TAFA1: variants seen among roughly 807,000 people sequenced by gnomAD.
The protein encoded by TAFA1 is chemokine-like protein TAFA-1.
Under a neutral mutation model 18.5 loss-of-function variants are expected in TAFA1, and 4 were observed. That is an observed-to-expected ratio of 0.22 (90% confidence interval 0.11 to 0.49). The LOEUF (loss-of-function observed/expected upper bound fraction) is 0.49. Among genes scored for constraint, TAFA1 ranks in the 20% least tolerant of loss-of-function variants. TAFA1 has a pLI of 0.98. For synonymous variants in TAFA1, 56 were observed against 55.2 expected (o/e 1.01, Z -0.06); for missense variants, 147 against 169.0 (o/e 0.87, Z 0.72).
intron 3 of TAFA1, among the ~76,000 whole-genome samples, chr3:68,507,277 C>T (rs1260602859): frequency 6.6e-6 from 1 of 151,674 alleles, no homozygotes; most frequent in Non-Finnish European, 1.5e-5. Context: ...TGCTCAAAAG[C>T]AAATAGAAAA....
intron 3 of TAFA1, among the ~76,000 whole-genome samples, chr3:68,424,326 C>T (rs919620755): frequency 4.0e-5 from 6 of 151,756 alleles, no homozygotes; most frequent in African/African-American, 1.2e-4. Flanking sequence ...AAGAGAGGGT[C>T]AGAGATTAAG....
chr3:68,494,153 G>T (rs542990620), intron 3 of TAFA1, among the ~76,000 whole-genome samples: 2 of 152,108 alleles, frequency 1.3e-5, no homozygotes, highest in Non-Finnish European at 2.9e-5. Context: ...CCAAGCTGGC[G>T]TGCAGTGGCA....
intron 2 of TAFA1, among the ~76,000 whole-genome samples, chr3:68,234,945 A>T (rs1232147426): frequency 6.6e-6 from 1 of 152,198 alleles, no homozygotes; most frequent in East Asian, 1.9e-4. Context: ...TCCTTGAATG[A>T]ATTAGTGAGG....
chr3:68,310,269 A>G (rs1213112029), intron 2 of TAFA1, among the ~76,000 whole-genome samples: 1 of 152,200 alleles, frequency 6.6e-6, no homozygotes, highest in African/African-American at 2.4e-5. Flanking sequence ...GATCTTAAGT[A>G]GTTTTTGTTT....
Position 68,333,752 on chromosome 3 carries a change from A to G in TAFA1, c.119-83528A>G, listed in dbSNP as rs574799731. ...CATGTTCATTGCAGCATTATTCACA[A>G]TAGCCAAGATACAGAGTCACCACAA... On this transcript the variant is annotated intron_variant, in intron 2 of 4. Transcript: ENST00000478136. Among the ~76,000 whole-genome samples, 4 of 152,338 alleles carry G rather than the reference A, an allele frequency of 2.6e-5. No individual in the cohort carries two copies. The South Asian group carries it at 8.3e-4, about 32-fold the overall frequency.
intron 2 of TAFA1, among the ~76,000 whole-genome samples, chr3:68,214,087 G>C (rs965533372): frequency 6.6e-6 from 1 of 152,014 alleles, no homozygotes; most frequent in African/African-American, 2.4e-5. Flanking sequence ...GAGTACCCTA[G>C]TAAAACACAT....
intron 2 of TAFA1, among the ~76,000 whole-genome samples, chr3:68,160,682 T>C (rs781457636): frequency 2.0e-5 from 3 of 152,220 alleles, no homozygotes; most frequent in Non-Finnish European, 4.4e-5. Flanking sequence ...CCATTTTTGG[T>C]AATAGTCAGC....
chr3:68,536,717 A>G (rs2073283822), intron 3 of TAFA1, among the ~76,000 whole-genome samples: 1 of 152,178 alleles, frequency 6.6e-6, no homozygotes, highest in Non-Finnish European at 1.5e-5. Context: ...AAATTTTGTT[A>G]TCAGAAAATG....
At chr3:68,215,222 A>G (rs1316615686) in intron 2 of TAFA1, among the ~76,000 whole-genome samples, 1 of 152,092 alleles carries the variant, frequency 6.6e-6, no homozygotes, top group Admixed American at 6.6e-5. Context: ...CTTTCCATGC[A>G]TTATTCTATT....
chr3:68,100,341 C>T (rs1375074650), intron 2 of TAFA1, among the ~76,000 whole-genome samples: 1 of 151,638 alleles, frequency 6.6e-6, no homozygotes, highest in Non-Finnish European at 1.5e-5. Context: ...AAAAATTAGC[C>T]GGGCATGGTG....
At chr3:68,444,793 TATATATATATATATATATAA>T (rs1420634414) in intron 3 of TAFA1, among the ~76,000 whole-genome samples, 4 of 142,000 alleles carry the variant, frequency 2.8e-5, no homozygotes, top group African/African-American at 1.0e-4. Context: ...TATATATATA[TATATATATATATATATATAA>T]AATAAATTAA....
rs981691469 is a variant in TAFA1, at chr3:68,062,637, A to G, written c.118+55893A>G. On this transcript the variant is annotated intron_variant, in intron 2 of 4. Coordinates refer to ENST00000478136, the MANE Select transcript of TAFA1 (RefSeq NM_213609.4). ...TTTTTCCAATGGAAAAGTCTAAACC[A>G]TAAGCTGAAATTCCTATTCTCTGCT... is the stretch of plus-strand genomic sequence containing the variant. Among the ~76,000 whole-genome samples the G allele has an allele frequency of 7.2e-5, 11 of 152,330 alleles. No homozygotes were observed. In the East Asian group the frequency reaches 1.2e-3, roughly 16 times the overall value.
intron 2 of TAFA1, among the ~76,000 whole-genome samples, chr3:68,100,452 C>T (rs1454106972): frequency 6.6e-6 from 1 of 152,098 alleles, no homozygotes; most frequent in Non-Finnish European, 1.5e-5. Context: ...CCAGCCTGGG[C>T]AACAGAGGGT....
intron 3 of TAFA1, 96 bp downstream of exon 3, chr3:68,417,516 C>G (rs2070863331): frequency 8.5e-7 from 1 of 1,179,238 alleles, no homozygotes; most frequent in African/African-American, 1.5e-5. Context: ...AGATAATGAA[C>G]AAGGTGCATC....
At chr3:68,385,667 A>C (rs1341010583) in intron 2 of TAFA1, among the ~76,000 whole-genome samples, 3 of 152,094 alleles carry the variant, frequency 2.0e-5, no homozygotes, top group South Asian at 2.1e-4. Flanking sequence ...TGTTATTGTT[A>C]AACATATCTA....
intron 2 of TAFA1, among the ~76,000 whole-genome samples, chr3:68,020,818 A>T (rs1016420790): frequency 2.0e-5 from 3 of 152,142 alleles, no homozygotes; most frequent in African/African-American, 7.2e-5. Context: ...AAACAGGTCA[A>T]TGCTTATTGT....
intron 2 of TAFA1, among the ~76,000 whole-genome samples, chr3:68,016,499 C>T (rs193173803): frequency 2.6e-4 from 40 of 152,222 alleles, no homozygotes; most frequent in African/African-American, 9.6e-4. Flanking sequence ...AAATACTTAT[C>T]GTTGTGCTAC....
At chr3:68,441,381 A>G (rs1489566085) in intron 3 of TAFA1, among the ~76,000 whole-genome samples, 1 of 152,134 alleles carries the variant, frequency 6.6e-6, no homozygotes, top group Non-Finnish European at 1.5e-5. Flanking sequence ...AATCACAACA[A>G]AGGCCTCTAA....
intron 1 of TAFA1, among the ~76,000 whole-genome samples, chr3:68,005,739 G>A (rs967414291): frequency 5.9e-5 from 9 of 152,156 alleles, no homozygotes; most frequent in African/African-American, 1.7e-4. Context: ...GAGTAAGGAC[G>A]GTGCTTCAAG....
Sources: allele counts gnomAD v4.1 joint callset (sites outside exome capture counted in the v4.1 genomes callset), GRCh38; gene constraint gnomAD v4.1.1; transcripts MANE v1.5; gene names NCBI Gene and HGNC (gene_info 2026-07-23, HGNC 2026-07-21).